The following COL13A1 variants were observed in gnomAD, a reference collection of about 807,000 sequenced individuals.
The protein encoded by COL13A1 is collagen type XIII alpha 1 chain.
COL13A1 carries 89 observed loss-of-function variants against 130.9 expected under a neutral mutation model. That is an observed-to-expected ratio of 0.68 (90% CI 0.57 to 0.81). The LOEUF is 0.81. Among genes scored for constraint, COL13A1 ranks in the 30% least tolerant of loss-of-function variants. The probability of loss-of-function intolerance (pLI) is 0.00; values close to 1 mark genes in which losing one functional copy is unlikely to be tolerated. For synonymous variants in COL13A1, 402 were observed against 341.6 expected (o/e 1.18, Z -1.95); for missense variants, 879 against 934.6 (o/e 0.94, Z 0.78).
At chr10:69,867,968 G>T (rs1589175209) in intron 3 of COL13A1, among the ~76,000 whole-genome samples, 163 bp downstream of exon 3, 1 of 152,070 alleles carries the variant, frequency 6.6e-6, no homozygotes, top group African/African-American at 2.4e-5. Flanking sequence ...TGGGGAGGAG[G>T]CTACCATTTT....
chr10:69,895,482 G>T (rs374217892), intron 12 of COL13A1, 68 bp from the exon 13 acceptor site: 1 of 1,546,196 alleles, frequency 6.5e-7, no homozygotes, highest in Non-Finnish European at 8.9e-7. Flanking sequence ...AAGTGCTGGG[G>T]GTGCCCTGAG....
chr10:69,881,212 T>C (rs187131901), intron 7 of COL13A1, among the ~76,000 whole-genome samples: 2 of 152,216 alleles, frequency 1.3e-5, no homozygotes, highest in Admixed American at 1.3e-4. Context: ...GGGGCTTTAA[T>C]AAAATCACCA....
At chr10:69,815,319 G>T (rs975565932) in intron 1 of COL13A1, among the ~76,000 whole-genome samples, 1 of 152,200 alleles carries the variant, frequency 6.6e-6, no homozygotes, top group Non-Finnish European at 1.5e-5. Flanking sequence ...ACATTCTCTG[G>T]GGGGAGTGAG....
At chr10:69,847,927 C>T (rs978810368) in intron 2 of COL13A1, among the ~76,000 whole-genome samples, 4 of 152,338 alleles carry the variant, frequency 2.6e-5, no homozygotes, top group South Asian at 2.1e-4. Flanking sequence ...GACCCTGACC[C>T]GAAGGCATAA....
chr10:69,814,012 G>A (rs1455434519), intron 1 of COL13A1, among the ~76,000 whole-genome samples: 1 of 152,222 alleles, frequency 6.6e-6, no homozygotes, highest in Non-Finnish European at 1.5e-5. Context: ...TTGGAGTGTG[G>A]ATTGAGACAT....
chr10:69,916,709 A>T (rs111680363), intron 17 of COL13A1, among the ~76,000 whole-genome samples: 1 of 152,192 alleles, frequency 6.6e-6, no homozygotes, highest in African/African-American at 2.4e-5. Flanking sequence ...CTGGACAAGT[A>T]GGGTCAGAAA....
intron 2 of COL13A1, among the ~76,000 whole-genome samples, chr10:69,835,051 C>G (rs1430594260): frequency 6.6e-6 from 1 of 152,200 alleles, no homozygotes; most frequent in Non-Finnish European, 1.5e-5. Context: ...ACTTTCTGCC[C>G]CAGGACATGC....
intron 31 of COL13A1, among the ~76,000 whole-genome samples, 199 bp from the exon 32 acceptor site, chr10:69,935,151 A>C (rs1565115155): frequency 6.6e-6 from 1 of 151,992 alleles, no homozygotes; most frequent in Non-Finnish European, 1.5e-5. Context: ...CTTTTTCAAC[A>C]TTGAGCAGTC....
intron 17 of COL13A1, among the ~76,000 whole-genome samples, chr10:69,908,145 G>T (rs986450972): frequency 6.6e-6 from 1 of 152,208 alleles, no homozygotes; most frequent in Non-Finnish European, 1.5e-5. Context: ...GAGAAAAGAG[G>T]CAGGAAGGAA....
chr10:69,932,859 G>A (rs960458908), intron 31 of COL13A1, among the ~76,000 whole-genome samples: 30 of 152,066 alleles, frequency 2.0e-4, no homozygotes, highest in Middle Eastern at 3.2e-3. Flanking sequence ...AGAACTTGCC[G>A]GGCACGGTGG....
intron 2 of COL13A1, among the ~76,000 whole-genome samples, chr10:69,832,381 T>C (rs181618689): frequency 2.0e-4 from 31 of 152,356 alleles, no homozygotes; most frequent in African/African-American, 7.0e-4. Flanking sequence ...AAAAGCCACC[T>C]ACCCTCTCTG....
intron 1 of COL13A1, among the ~76,000 whole-genome samples, chr10:69,810,376 G>GAGAGAGAGAGACACACAGAGAC (rs1230051691): frequency 7.5e-6 from 1 of 133,820 alleles, no homozygotes; most frequent in East Asian, 2.3e-4. Context: ...GAGAGAGAGA[G>GAGAGAGAGAGACACACAGAGAC]AGAGACAGAG....
At chr10:69,852,053 G>T (rs1854999635) in intron 2 of COL13A1, among the ~76,000 whole-genome samples, 1 of 152,106 alleles carries the variant, frequency 6.6e-6, no homozygotes, top group African/African-American at 2.4e-5. Flanking sequence ...TCCCACCCCA[G>T]GGCCTTTGCA....
chr10:69,865,445 G>T (rs1040185565), intron 2 of COL13A1, among the ~76,000 whole-genome samples: 3 of 152,244 alleles, frequency 2.0e-5, no homozygotes, highest in African/African-American at 7.2e-5. Flanking sequence ...ATGAAAATTG[G>T]CAGGGGCAGG....
intron 8 of COL13A1, 75 bp from the exon 9 acceptor site, chr10:69,888,229 C>T: frequency 6.4e-7 from 1 of 1,555,864 alleles, no homozygotes; most frequent in Non-Finnish European, 8.8e-7. Flanking sequence ...CTGTGCTTTT[C>T]CCCACTGCCC....
rs565843078 is a variant in COL13A1, at chr10:69,919,968, C to G, written c.1089+241C>G. On this transcript the variant is annotated intron_variant, in intron 21 of 40. Transcript: ENST00000645393. The stretch of plus-strand genomic sequence containing the variant: ...AAGCCTAGCAGAAGGAGGAACTTGC[C>G]TCCTTCCACCTCTGCTCCCCAAGGA... Among the ~76,000 whole-genome samples the G allele has an allele frequency of 2.0e-5, 3 of 152,312 alleles. No individual in the cohort carries two copies. The South Asian group carries it at 6.2e-4, about 32-fold the overall frequency.
At chr10:69,812,063 A>G (rs1272532250) in intron 1 of COL13A1, among the ~76,000 whole-genome samples, 1 of 152,190 alleles carries the variant, frequency 6.6e-6, no homozygotes, top group Non-Finnish European at 1.5e-5. Context: ...CACAGTAGCC[A>G]GAGGGGACCT....
rs755191937 is a variant in COL13A1 at position 69,923,769 on chromosome 10, ATGCCCTCATCCCAACTC to A, written c.1231-31_1231-15del. On this transcript the variant is annotated splice_polypyrimidine_tract_variant and intron_variant, in intron 23 of 40. Transcript: ENST00000645393. ...ATAAGCAGCTGTCCAGGTGCCCAGC[ATGCCCTCATCCCAACTC>A]TCTCCTCTTCCCCAGGGAGAAGCAG... 1.9e-6 allele frequency: 3 copies of A among 1,600,978 alleles called. No individual in the cohort carries two copies. The African/African-American group carries it at 4.0e-5, about 21-fold the overall frequency.
chr10:69,835,416 A>G (rs1268874902), intron 2 of COL13A1, among the ~76,000 whole-genome samples: 1 of 151,912 alleles, frequency 6.6e-6, no homozygotes, highest in Non-Finnish European at 1.5e-5. Flanking sequence ...CACTCCCTCG[A>G]TGACTACCCC....
Sources: allele counts gnomAD v4.1 joint callset (sites outside exome capture counted in the v4.1 genomes callset), GRCh38; gene constraint gnomAD v4.1.1; transcripts MANE v1.5; gene names NCBI Gene and HGNC (gene_info 2026-07-23, HGNC 2026-07-21).